The following ANO2 variants were observed in gnomAD, a reference collection of about 807,000 sequenced individuals.
The protein encoded by ANO2 is anoctamin 2.
In ANO2, 101 loss-of-function variants were observed where a neutral mutation model predicts 124.2. That is an observed-to-expected ratio of 0.81 (90% CI 0.69 to 0.96). The LOEUF (loss-of-function observed/expected upper bound fraction) is 0.96. ANO2 is among the 40% of genes least tolerant of loss of function. The pLI is 0.00. For synonymous variants in ANO2, 486 were observed against 482.5 expected, an observed-to-expected ratio of 1.01 and a Z score of -0.09; for missense variants, 1,293 against 1,274.5, an observed-to-expected ratio of 1.01 and a Z score of -0.22.
intron 14 of ANO2, among the ~76,000 whole-genome samples, chr12:5,649,843 A>AC (rs1456311416): frequency 6.6e-6 from 1 of 151,790 alleles, no homozygotes; most frequent in Non-Finnish European, 1.5e-5. Context: ...ACGGGATTTC[A>AC]CCATATTAGC....
intron 1 of ANO2, among the ~76,000 whole-genome samples, chr12:5,933,215 C>G (rs1023198163): frequency 2.6e-5 from 4 of 152,188 alleles, no homozygotes; most frequent in Admixed American, 6.5e-5. Flanking sequence ...CTGCTAGTGA[C>G]TCTCCTCTTG....
In ANO2 at chr12:5,875,770, G is replaced by A. The variant is rs545337047; in HGVS notation, c.535-21629C>T. On this transcript the variant is annotated intron_variant, in intron 3 of 24. Coordinates refer to ENST00000682330, the MANE Select transcript of ANO2 (RefSeq NM_001364791.2). ...ATGAATTGTTCAAAATCACTGCAGT[G>A]AGCAGCACAACGTGGCCACTAGAAA... 1.7e-3 allele frequency among the ~76,000 whole-genome samples: 260 copies of A among 151,928 alleles called. 2 individuals carry two copies. Among genetic ancestry groups the A allele is most frequent in the African/African-American group, 6.0e-3 (250 of 41,398 alleles).
intron 10 of ANO2, among the ~76,000 whole-genome samples, chr12:5,773,442 C>T (rs896042406): frequency 1.3e-5 from 2 of 152,170 alleles, no homozygotes; most frequent in Non-Finnish European, 2.9e-5. Flanking sequence ...TCACCACCAA[C>T]AGCAAGACAG....
rs146741406 is a variant in ANO2, at chr12:5,763,218, T to C, written c.1056-12248A>G. Among the ~76,000 whole-genome samples the C allele has an allele frequency of 7.3e-3, 1,106 of 152,142 alleles. 13 individuals carry two copies. Among genetic ancestry groups the C allele is most frequent in the African/African-American group, 0.024 (1,016 of 41,564 alleles). On this transcript the variant is annotated intron_variant, in intron 10 of 24. Transcript: ENST00000682330. Reference sequence around the variant, plus strand: ...AAATAACTATTAAAATAGGCTTATTTAATACGTTAAATTACATGGAAAGTA... The same window carrying C: ...AAATAACTATTAAAATAGGCTTATTCAATACGTTAAATTACATGGAAAGTA...
chr12:5,571,873 T>C lies in ANO2; in HGVS notation c.2621+3961A>G, dbSNP rs1942143904. ...CACAGCAGGCAGTGGATAGGACTCA[T>C]ATGAGGCAGAGATTTCCATCAACAA... is the stretch of plus-strand genomic sequence containing the variant. On this transcript the variant is annotated intron_variant, in intron 23 of 24. Coordinates refer to ENST00000682330, the MANE Select transcript of ANO2 (RefSeq NM_001364791.2). Among the ~76,000 whole-genome samples, 3 of 152,190 alleles carry C rather than the reference T, an allele frequency of 2.0e-5. No individual in the cohort carries two copies. The South Asian group carries it at 6.2e-4, about 32-fold the overall frequency.
chr12:5,791,951 ATATTGTAATAGAAATAAT>A (rs893220254), intron 10 of ANO2, among the ~76,000 whole-genome samples: 7 of 152,142 alleles, frequency 4.6e-5, no homozygotes, highest in African/African-American at 1.7e-4. Flanking sequence ...TATTTGTATT[ATATTGTAATAGAAATAAT>A]TATTGTAATA....
intron 15 of ANO2, among the ~76,000 whole-genome samples, chr12:5,637,460 A>C (rs1159597380): frequency 6.6e-6 from 1 of 151,944 alleles, no homozygotes; most frequent in Non-Finnish European, 1.5e-5. Flanking sequence ...GAGGGACATG[A>C]AGGAAGACGT....
chr12:5,832,570 T>C lies in ANO2; in HGVS notation c.667A>G (p.Lys223Glu), dbSNP rs757982940. 2 of 1,613,878 alleles carry C rather than the reference T, an allele frequency of 1.2e-6. No homozygotes were observed. The highest frequency in any genetic ancestry group is 4.5e-5 in the East Asian group (2 of 44,866). The change falls in exon 5 of 25, where the codon AAG (lysine) becomes GAG (glutamate). Residue 223 changes from lysine (K) to glutamate (E), a missense_variant. By Grantham distance (56) the Lys-to-Glu change is moderately conservative. Transcript: ENST00000682330. ...YEIKAGGSIA[K>E]KFSAALQKLS... Reference sequence around the variant, plus strand: ...TTCTGCAGAGCCGCGCTGAACTTCTTTGCAATGCTGCCTCCTGCTTTGATC... The same window carrying C: ...TTCTGCAGAGCCGCGCTGAACTTCTCTGCAATGCTGCCTCCTGCTTTGATC...
At chr12:5,649,589 A>G (rs1946811902) in intron 14 of ANO2, among the ~76,000 whole-genome samples, 2 of 152,190 alleles carry the variant, frequency 1.3e-5, no homozygotes, top group African/African-American at 2.4e-5. Context: ...CTCACACACT[A>G]AAGTTTTCCT....
chr12:5,637,808 A>G (rs759644999), intron 15 of ANO2, among the ~76,000 whole-genome samples: 28 of 151,980 alleles, frequency 1.8e-4, no homozygotes, highest in Non-Finnish European at 2.9e-4. Context: ...CTATCCCACT[A>G]TAGAAATCAA....
chr12:5,922,656 G>T lies in ANO2; in HGVS notation c.171C>A (p.Gly57=). Residue 57 remains glycine (G), a synonymous_variant, in exon 2 of 25, where the codon GGC becomes GGA. Coordinates refer to ENST00000682330, the MANE Select transcript of ANO2 (RefSeq NM_001364791.2). ...GLQGGSNRDP[G]QPCGGESTRS... Reference sequence around the variant, plus strand: ...GGGTGCTCTCTCCACCGCAGGGCTGGCCAGGATCTCTGTTGGAACCGCCCT... The same window carrying T: ...GGGTGCTCTCTCCACCGCAGGGCTGTCCAGGATCTCTGTTGGAACCGCCCT... 6.4e-7 allele frequency: 1 copy of T among 1,557,496 alleles called. No homozygotes were observed.
intron 7 of ANO2, among the ~76,000 whole-genome samples, chr12:5,822,104 G>A (rs1458013432): frequency 6.6e-6 from 1 of 152,200 alleles, no homozygotes. Context: ...AAGGACAGCA[G>A]TGAAGGGAAA....
At chr12:5,920,949 C>T in intron 3 of ANO2, 91 bp downstream of exon 3, 1 of 1,375,394 alleles carries the variant, frequency 7.3e-7, no homozygotes, top group Non-Finnish European at 9.9e-7. Flanking sequence ...AGAATAAAGC[C>T]TAGGCTCTCT....
At chr12:5,773,876 G>T (rs73253294) in intron 10 of ANO2, among the ~76,000 whole-genome samples, 3,877 of 152,240 alleles carry the variant, frequency 0.025, 154 homozygotes, top group African/African-American at 0.088. Flanking sequence ...CCCTGGTTCA[G>T]GTCCCCCAGC....
chr12:5,918,056 T>G (rs1941482921), intron 3 of ANO2, among the ~76,000 whole-genome samples: 1 of 152,164 alleles, frequency 6.6e-6, no homozygotes, highest in Non-Finnish European at 1.5e-5. Flanking sequence ...CTCTGCTCCC[T>G]AAGACCCAAC....
At chr12:5,571,983 A>G (rs149549379) in intron 23 of ANO2, among the ~76,000 whole-genome samples, 314 of 152,248 alleles carry the variant, frequency 2.1e-3, no homozygotes, top group African/African-American at 7.1e-3. Flanking sequence ...TTATTTTCTG[A>G]ACATCTACCT....
intron 19 of ANO2, among the ~76,000 whole-genome samples, chr12:5,605,677 T>G (rs1944183216): frequency 6.6e-6 from 1 of 152,126 alleles, no homozygotes; most frequent in Non-Finnish European, 1.5e-5. Context: ...GGCTGTGGTG[T>G]GGCATGTGTT....
At chr12:5,922,892 C>T (rs1295830574) in intron 1 of ANO2, 88 bp from the exon 2 acceptor site, 4 of 1,321,660 alleles carry the variant, frequency 3.0e-6, no homozygotes, top group Non-Finnish European at 3.9e-6. Flanking sequence ...CAGACACTAG[C>T]CCTGAGAAAA....
chr12:5,854,050 G>T lies in ANO2; in HGVS notation c.626C>A (p.Thr209Asn), dbSNP rs1378492335. 2.9e-5 allele frequency: 47 copies of T among 1,612,722 alleles called. No homozygotes were observed. Among genetic ancestry groups the T allele is most frequent in the African/African-American group, 5.3e-5 (4 of 74,850 alleles). The change falls in exon 4 of 25, where the codon ACC becomes AAC. Residue 209 changes from threonine to asparagine, a missense_variant. Thr to Asn is a moderately conservative substitution (Grantham distance 65). Coordinates refer to ENST00000682330, the MANE Select transcript of ANO2 (RefSeq NM_001364791.2). ...GGAGAAACATGCTCATACTTTCTTG[G>T]TAGGAACTTTGATCTTCAAGAATTC... ...EAEFLKIKVP[T>N]KKMYEIKAGG...
Sources: gnomAD v4.1 joint callset for allele counts (sites outside exome capture counted in the v4.1 genomes callset) on GRCh38, gnomAD v4.1.1 for gene constraint, MANE v1.5 for transcripts, NCBI Gene and HGNC (gene_info 2026-07-23, HGNC 2026-07-21) for gene names.